Variants in BCAS3 observed in about 807,000 individuals in gnomAD.
BCAS3 encodes the protein BCAS4/BCAS3 fusion.
BCAS3 carries 53 observed loss-of-function variants against 116.1 expected under a neutral mutation model. The ratio of observed to expected loss-of-function variants is 0.46; its 90% CI spans 0.37 to 0.57. The LOEUF is 0.57. Ranked by LOEUF, BCAS3 falls within the 20% of genes least tolerant of loss-of-function variation. The pLI, the probability that BCAS3 is intolerant of heterozygous loss-of-function variation, is 0.00. For missense variants in BCAS3, 917 were observed against 1,165.4 expected, an observed-to-expected ratio of 0.79 and a Z score of 3.10; for synonymous variants, 391 against 408.2, an observed-to-expected ratio of 0.96 and a Z score of 0.51.
rs2049631589 is a variant in BCAS3, at chr17:61,265,691, T to TC, written c.2426-102635dup. 1.3e-5 allele frequency among the ~76,000 whole-genome samples: 1 copy of TC among 79,688 alleles called. No homozygotes were observed. The highest frequency in any genetic ancestry group is 3.4e-5 in the African/African-American group (1 of 29,238). 52.3% of individuals were successfully genotyped at this position (79,688 alleles called of 152,430 possible). On this transcript the variant is annotated intron_variant, in intron 22 of 23. Transcript: ENST00000407086. The surrounding 1 kb of genome is among the most constrained non-coding windows in gnomAD (Gnocchi z 4.3). ...GGATTTAACTATGTAACACCATCAT[T>TC]CTTTTTTCCCCCCCATCAAGTAGTA...
Position 61,204,045 on chromosome 17 carries a change from TACTA to T in BCAS3, c.2425+119485_2425+119488del, listed in dbSNP as rs1281513467. 5.9e-5 allele frequency among the ~76,000 whole-genome samples: 9 copies of T among 152,310 alleles called. No homozygotes were observed. The highest frequency in any genetic ancestry group is 4.1e-4 in the South Asian group (2 of 4,824). On this transcript the variant is annotated intron_variant, in intron 22 of 23. Coordinates refer to ENST00000407086, the MANE Select transcript of BCAS3 (RefSeq NM_017679.5). The surrounding 1 kb of genome is among the most constrained non-coding windows in gnomAD (Gnocchi z 4.2). ...CTGGTGACCCTAGCCGCCTGTGATT[TACTA>T]ACTGTTTTACAAATGTTTCCTCGCT...
chr17:61,141,392 CA>C lies in BCAS3; in HGVS notation c.2425+56835del, dbSNP rs1365613654. Among the ~76,000 whole-genome samples, 1 of 151,726 alleles carries C rather than the reference CA, an allele frequency of 6.6e-6. No individual in the cohort carries two copies. Among genetic ancestry groups the C allele is most frequent in the South Asian group, 2.1e-4 (1 of 4,822 alleles). ...GGGCAACATACCAAGACTCTGTCTACAAAAAAAGTGTTAAAAGTAACCAGGT... is the reference window on the plus strand; with the variant it reads ...GGGCAACATACCAAGACTCTGTCTACAAAAAAGTGTTAAAAGTAACCAGGT... On this transcript the variant is annotated intron_variant, in intron 22 of 23. Coordinates refer to ENST00000407086, the MANE Select transcript of BCAS3 (RefSeq NM_017679.5). This position sits in a 1 kb window ranked among gnomAD's most constrained non-coding sequence, Gnocchi z 4.3.
chr17:60,985,502 A>G (rs1005736900), intron 14 of BCAS3, among the ~76,000 whole-genome samples: 1 of 152,162 alleles, frequency 6.6e-6, no homozygotes, highest in Non-Finnish European at 1.5e-5. Context: ...TATTGACTAT[A>G]GTCACCTTAT....
chr17:61,305,889 C>T (rs2053814455), intron 22 of BCAS3, among the ~76,000 whole-genome samples: 1 of 152,194 alleles, frequency 6.6e-6, no homozygotes, highest in South Asian at 2.1e-4. Context: ...GAGCAAGACT[C>T]CATCTCAAAT....
intron 15 of BCAS3, among the ~76,000 whole-genome samples, chr17:60,992,851 G>A (rs1009211702): frequency 6.6e-6 from 1 of 152,118 alleles, no homozygotes; most frequent in African/African-American, 2.4e-5. Context: ...TAGATGTGTA[G>A]TATAGGTTCT....
intron 5 of BCAS3, among the ~76,000 whole-genome samples, chr17:60,743,160 A>G (rs1472728718): frequency 6.6e-6 from 1 of 152,108 alleles, no homozygotes; most frequent in East Asian, 1.9e-4. Context: ...ATGGAAATCT[A>G]TATAGCAATA....
chr17:61,282,974 AT>A lies in BCAS3; in HGVS notation c.2426-85346del, dbSNP rs1437817236. 2.7e-5 allele frequency among the ~76,000 whole-genome samples: 4 copies of A among 150,548 alleles called. No homozygotes were observed. The highest frequency in any genetic ancestry group is 1.9e-4 in the East Asian group (1 of 5,158). On this transcript the variant is annotated intron_variant, in intron 22 of 23. Transcript: ENST00000407086. This position sits in a 1 kb window ranked among gnomAD's most constrained non-coding sequence, Gnocchi z 5.9. ...ACATATTTTATATTTTTATATATAAATTTTTTTCACTGTGATTTTCCCCCTT... is the reference window on the plus strand; with the variant it reads ...ACATATTTTATATTTTTATATATAAATTTTTTCACTGTGATTTTCCCCCTT...
chr17:61,022,727 A>G (rs538834601), intron 16 of BCAS3, among the ~76,000 whole-genome samples: 1 of 151,782 alleles, frequency 6.6e-6, no homozygotes, highest in East Asian at 1.9e-4. Context: ...GTATCTTCAA[A>G]CTCCTGGGCT....
In BCAS3 at chr17:61,357,452, T is replaced by A. The variant is rs550435293; in HGVS notation, c.2426-10875T>A. 8.7e-5 allele frequency among the ~76,000 whole-genome samples: 13 copies of A among 149,338 alleles called. No individual in the cohort carries two copies. In the East Asian group the frequency reaches 1.6e-3, roughly 18 times the overall value. On this transcript the variant is annotated intron_variant, in intron 22 of 23. Coordinates refer to ENST00000407086, the MANE Select transcript of BCAS3 (RefSeq NM_017679.5). ...CTCTAAAAAAAAAAAATTTTTATTT[T>A]TTTTTTTTTTGAAACAGAGTCTTGC...
At chr17:61,382,794 C>T (rs2059670411) in intron 23 of BCAS3, 1 of 152,254 alleles carries the variant, frequency 6.6e-6, no homozygotes, top group African/African-American at 2.4e-5. Flanking sequence ...TGAAAGAAAC[C>T]ATGAACAGAA....
Position 61,134,444 on chromosome 17 carries a change from C to G in BCAS3, c.2425+49880C>G, listed in dbSNP as rs527852628. On this transcript the variant is annotated intron_variant, in intron 22 of 23. Coordinates refer to ENST00000407086, the MANE Select transcript of BCAS3 (RefSeq NM_017679.5). This position sits in a 1 kb window ranked among gnomAD's most constrained non-coding sequence, Gnocchi z 4.6. ...GAACCACGCATGTCTGACTCCAGAG[C>G]CCTCGCTTTTTACACCAGCCTCTAC... Among the ~76,000 whole-genome samples, 2 of 152,260 alleles carry G rather than the reference C, an allele frequency of 1.3e-5. No individual in the cohort carries two copies.
Position 61,021,203 on chromosome 17 carries a change from G to A in BCAS3, c.1637+5302G>A, listed in dbSNP as rs188905463. Among the ~76,000 whole-genome samples the A allele has an allele frequency of 1.5e-3, 224 of 152,174 alleles. 1 individual carries two copies. Among genetic ancestry groups the A allele is most frequent in the African/African-American group, 4.6e-3 (193 of 41,512 alleles). On this transcript the variant is annotated intron_variant, in intron 16 of 23. Transcript: ENST00000407086. The surrounding 1 kb of genome is among the most constrained non-coding windows in gnomAD (Gnocchi z 4.6). ...CCCGAGTAGCTGGGACTACAAGTGGGTGTGTGCCACCATGCCTGTCTAAGT... is the reference window on the plus strand; with the variant it reads ...CCCGAGTAGCTGGGACTACAAGTGGATGTGTGCCACCATGCCTGTCTAAGT...
chr17:60,736,900 T>C (rs1253079444), intron 5 of BCAS3, among the ~76,000 whole-genome samples: 10 of 120,272 alleles, frequency 8.3e-5, no homozygotes, highest in East Asian at 6.0e-4. Flanking sequence ...CTCCCTCCCT[T>C]CCTCCCTTCC....
chr17:60,715,068 A>G (rs1031656439), intron 5 of BCAS3, among the ~76,000 whole-genome samples: 1 of 152,144 alleles, frequency 6.6e-6, no homozygotes, highest in Admixed American at 6.5e-5. Context: ...TATATATTTT[A>G]AAAACCAAAT....
chr17:61,050,411 G>A (rs930328856), intron 19 of BCAS3, among the ~76,000 whole-genome samples: 7 of 151,840 alleles, frequency 4.6e-5, no homozygotes, highest in Non-Finnish European at 8.8e-5. Flanking sequence ...ACGCATGTGT[G>A]TATATATATG....
In BCAS3 at chr17:61,344,597, A is replaced by C. The variant is rs1433614631; in HGVS notation, c.2426-23730A>C. On this transcript the variant is annotated intron_variant, in intron 22 of 23. Coordinates refer to ENST00000407086, the MANE Select transcript of BCAS3 (RefSeq NM_017679.5). This position sits in a 1 kb window ranked among gnomAD's most constrained non-coding sequence, Gnocchi z 4.1. ...AGTGGCAGTAGTGTGTTACATGCTGATAGGGCAGGTTCAGGGCACCTGACC... is the reference window on the plus strand; with the variant it reads ...AGTGGCAGTAGTGTGTTACATGCTGCTAGGGCAGGTTCAGGGCACCTGACC... Among the ~76,000 whole-genome samples, 1 of 152,226 alleles carries C rather than the reference A, an allele frequency of 6.6e-6. No homozygotes were observed. Among genetic ancestry groups the C allele is most frequent in the East Asian group, 1.9e-4 (1 of 5,196 alleles).
At chr17:60,829,685 AGTT>A (rs2050747074) in intron 7 of BCAS3, among the ~76,000 whole-genome samples, 1 of 152,116 alleles carries the variant, frequency 6.6e-6, no homozygotes, top group Non-Finnish European at 1.5e-5. Flanking sequence ...CTGGGTCATA[AGTT>A]GTTCTCACTA....
At chr17:60,891,077 C>G (rs1179518957) in intron 10 of BCAS3, among the ~76,000 whole-genome samples, 2 of 151,960 alleles carry the variant, frequency 1.3e-5, no homozygotes, top group African/African-American at 2.4e-5. Context: ...TCCAGTATAT[C>G]TTGTAAAAAT....
intron 22 of BCAS3, among the ~76,000 whole-genome samples, chr17:61,212,328 C>A (rs923736447): frequency 6.6e-6 from 1 of 152,150 alleles, no homozygotes; most frequent in Non-Finnish European, 1.5e-5. Context: ...GCCTCGAACT[C>A]CTGGGCTGAA....
Sources: gnomAD v4.1 joint callset for allele counts (sites outside exome capture counted in the v4.1 genomes callset) on GRCh38, gnomAD v4.1.1 for gene constraint, Gnocchi (gnomAD v3.1) non-coding constraint, MANE v1.5 for transcripts, NCBI Gene and HGNC (gene_info 2026-07-23, HGNC 2026-07-21) for gene names.